The following GRIK3 variants were observed in gnomAD, a reference collection of about 807,000 sequenced individuals.
The protein encoded by GRIK3 is glutamate ionotropic receptor kainate type subunit 3, also known as glutamate receptor ionotropic, kainate 3.
Under a neutral mutation model 102.5 loss-of-function variants are expected in GRIK3, and 29 were observed. That is an observed-to-expected ratio of 0.28 (90% CI 0.21 to 0.39). GRIK3 has a LOEUF of 0.39. Among genes scored for constraint, GRIK3 ranks in the 10% least tolerant of loss-of-function variants. The pLI is 1.00. For missense variants in GRIK3, 908 were observed against 1,252.4 expected, an observed-to-expected ratio of 0.73 and a Z score of 4.15; for synonymous variants, 511 against 504.9, an observed-to-expected ratio of 1.01 and a Z score of -0.16.
At position 36,880,666 on chromosome 1, in the gene GRIK3, C is replaced by T. The variant is rs748006414; in HGVS notation, c.518G>A (p.Arg173Gln). ...GTCGTCATAGACCACGGTGGCTGACCGCCACTTGAGGTACTGGACCAGGTC... is the reference window on the plus strand; with the variant it reads ...GTCGTCATAGACCACGGTGGCTGACTGCCACTTGAGGTACTGGACCAGGTC... ...ILDLVQYLKW[R>Q]SATVVYDDST... The change falls in exon 3 of 16, where the codon CGG (arginine) becomes CAG (glutamine). Residue 173 changes from arginine (R) to glutamine (Q), a missense_variant. Transcript: ENST00000373091. This position sits in a 1 kb window ranked among gnomAD's most constrained non-coding sequence, Gnocchi z 5.4. 17 of 1,614,032 alleles carry T rather than the reference C, an allele frequency of 1.1e-5. 1 individual carries two copies. Among genetic ancestry groups the T allele is most frequent in the South Asian group, 5.5e-5 (5 of 91,086 alleles).
chr1:36,923,867 G>T (rs891465359), intron 1 of GRIK3, among the ~76,000 whole-genome samples: 1 of 151,962 alleles, frequency 6.6e-6, no homozygotes. Context: ...GTGTCTATCT[G>T]GTTGGCTGTA....
chr1:36,883,284 C>G (rs1641003466), intron 2 of GRIK3, among the ~76,000 whole-genome samples: 1 of 152,208 alleles, frequency 6.6e-6, no homozygotes, highest in Non-Finnish European at 1.5e-5. Flanking sequence ...TCTGGAAAGT[C>G]AGGTGAGAAT....
At chr1:36,962,883 C>CA (rs57315084) in intron 1 of GRIK3, among the ~76,000 whole-genome samples, 5,186 of 73,820 alleles carry the variant, frequency 0.07, 351 homozygotes, top group East Asian at 0.2. Flanking sequence ...GACTCCCTCT[C>CA]AAAAAAAAAA....
At chr1:36,969,017 C>A (rs1642112448) in intron 1 of GRIK3, among the ~76,000 whole-genome samples, 1 of 152,174 alleles carries the variant, frequency 6.6e-6, no homozygotes, top group Non-Finnish European at 1.5e-5. Context: ...CATGAAGAAG[C>A]CAGATTAATG....
At chr1:36,803,968 G>A (rs1312802228) in intron 15 of GRIK3, among the ~76,000 whole-genome samples, 1 of 152,164 alleles carries the variant, frequency 6.6e-6, no homozygotes, top group African/African-American at 2.4e-5. Flanking sequence ...AAATTGACAG[G>A]CCAAAATGTA....
intron 1 of GRIK3, among the ~76,000 whole-genome samples, chr1:36,921,954 T>G (rs1641478379): frequency 6.6e-6 from 1 of 152,016 alleles, no homozygotes; most frequent in Non-Finnish European, 1.5e-5. Context: ...CTCTCAATGT[T>G]CTCCCAGACA....
chr1:37,014,885 TCTCTTCTCTC>T, intron 1 of GRIK3, among the ~76,000 whole-genome samples: 1 of 151,530 alleles, frequency 6.6e-6, no homozygotes, highest in Non-Finnish European at 1.5e-5. Flanking sequence ...TCTCATCTAT[TCTCTTCTCTC>T]TCTCTATCTC....
Position 36,850,409 on chromosome 1 carries a change from G to A in GRIK3, c.1228C>T (p.Pro410Ser), listed in dbSNP as rs116061413. 6.2e-7 allele frequency: 1 copy of A among 1,611,146 alleles called. No homozygotes were observed. The highest frequency in any genetic ancestry group is 1.3e-5 in the African/African-American group (1 of 74,996). The change falls in exon 9 of 16, where the codon CCT (proline) becomes TCT (serine). Residue 410 changes from proline to serine, a missense_variant. Transcript: ENST00000373091. The surrounding 1 kb of genome is among the most constrained non-coding windows in gnomAD (Gnocchi z 4.0). ...TCAGTGATGTTGAGCCCGTCGGCAG[G>A]ACTCCACACCCCAACCTGGATGGAC... ...DGLEKVGVWS[P>S]ADGLNITEVA...
chr1:36,860,170 G>A (rs948719857), intron 5 of GRIK3, among the ~76,000 whole-genome samples, 153 bp from the exon 6 acceptor site: 1 of 152,220 alleles, frequency 6.6e-6, no homozygotes, highest in Admixed American at 6.5e-5. Context: ...TATCGGGGTA[G>A]TCACAGGAGC....
chr1:36,875,377 C>T (rs1640902051), intron 3 of GRIK3, among the ~76,000 whole-genome samples: 1 of 152,230 alleles, frequency 6.6e-6, no homozygotes, highest in Non-Finnish European at 1.5e-5. Flanking sequence ...TAGCCATTCT[C>T]CTTGGGGGAG....
intron 1 of GRIK3, among the ~76,000 whole-genome samples, chr1:36,916,784 A>T (rs1253881289): frequency 1.3e-5 from 2 of 152,148 alleles, no homozygotes; most frequent in African/African-American, 4.8e-5. Context: ...CCCAGACAAA[A>T]GTTTGCTGCA....
intron 1 of GRIK3, among the ~76,000 whole-genome samples, chr1:36,929,726 T>C (rs1180032856): frequency 3.9e-5 from 6 of 152,260 alleles, no homozygotes; most frequent in African/African-American, 1.4e-4. Flanking sequence ...AGCTATTTAT[T>C]GTTGTGTAAC....
At chr1:37,014,844 ATCTTTTCTTTTCTTTTCTTT>A (rs57927286) in intron 1 of GRIK3, among the ~76,000 whole-genome samples, 1 of 133,182 alleles carries the variant, frequency 7.5e-6, no homozygotes, top group African/African-American at 2.8e-5. Context: ...CTCTTTTCTT[ATCTTTTCTTTTCTTTTCTTT>A]TCTTTTCTTT....
At chr1:36,848,030 G>A (rs1333403390) in intron 9 of GRIK3, among the ~76,000 whole-genome samples, 1 of 152,180 alleles carries the variant, frequency 6.6e-6, no homozygotes, top group Non-Finnish European at 1.5e-5. Flanking sequence ...ACAGCAGGTC[G>A]GGGATCTTTG....
intron 4 of GRIK3, among the ~76,000 whole-genome samples, chr1:36,871,276 A>G (rs1000096311): frequency 2.0e-5 from 3 of 152,196 alleles, no homozygotes; most frequent in African/African-American, 7.2e-5. Context: ...AGCCAGGGAT[A>G]GAGGCTGCCA....
At chr1:36,962,124 G>C (rs573272876) in intron 1 of GRIK3, among the ~76,000 whole-genome samples, 1 of 152,172 alleles carries the variant, frequency 6.6e-6, no homozygotes, top group South Asian at 2.1e-4. Context: ...CACCGGCCCT[G>C]CACAGACAAT....
chr1:36,898,320 G>A (rs939461672), intron 1 of GRIK3, among the ~76,000 whole-genome samples: 2 of 152,034 alleles, frequency 1.3e-5, no homozygotes, highest in African/African-American at 4.8e-5. Flanking sequence ...ATACTTGAGG[G>A]GATGGCTACC....
chr1:36,819,828 G>T lies in GRIK3; in HGVS notation c.1781C>A (p.Ala594Asp). ...CTCGGAGCCAGGGTTGCAGGGGTGA[G>T]CATCGTACCACTCATAAGGGCTGAA... ...ARFSPYEWYD[A>D]HPCNPGSEVV... The change falls in exon 12 of 16, where the codon GCT (alanine) becomes GAT (aspartate). Residue 594 changes from alanine (A) to aspartate (D), a missense_variant. Ala to Asp is a moderately radical substitution (Grantham distance 126). This residue lies in a region of GRIK3 where 585 missense variants were observed against 824.9 expected (regional missense o/e 0.71). Transcript: ENST00000373091. The surrounding 1 kb of genome is among the most constrained non-coding windows in gnomAD (Gnocchi z 4.1). The T allele has an allele frequency of 6.3e-7, 1 of 1,586,678 alleles. No homozygotes were observed. The highest frequency in any genetic ancestry group is 8.6e-7 in the Non-Finnish European group (1 of 1,161,640).
rs777803554 is a variant in GRIK3, at chr1:36,907,152, GGTGA to G, written c.116-16060_116-16057del. On this transcript the variant is annotated intron_variant, in intron 1 of 15. Coordinates refer to ENST00000373091, the MANE Select transcript of GRIK3 (RefSeq NM_000831.4). ...GGGGGTGGGCAGCGTTTATTTCAGA[GGTGA>G]GTGAGTGTTTCCTTAGGAAAAGCAC... 2.6e-5 allele frequency among the ~76,000 whole-genome samples: 4 copies of G among 152,156 alleles called. No homozygotes were observed. The South Asian group carries it at 6.2e-4, about 24-fold the overall frequency.
Sources: allele counts gnomAD v4.1 joint callset (sites outside exome capture counted in the v4.1 genomes callset), GRCh38; gene constraint gnomAD v4.1.1; regional missense constraint gnomAD v4.1.1; non-coding constraint Gnocchi (gnomAD v3.1); transcripts MANE v1.5; gene names NCBI Gene and HGNC (gene_info 2026-07-23, HGNC 2026-07-21).